Variants in PHC2 observed in about 807,000 individuals in gnomAD.
The protein encoded by PHC2 is polyhomeotic homolog 2, also known as polyhomeotic-like protein 2.
Under a neutral mutation model 87.4 loss-of-function variants are expected in PHC2, and 29 were observed. The observed-to-expected ratio is 0.33, with a 90% CI of 0.25 to 0.45. PHC2 has a LOEUF of 0.45. PHC2 is among the 20% of genes least tolerant of loss of function. PHC2 has a pLI of 1.00. For missense variants in PHC2, 857 were observed against 1,136.7 expected (o/e 0.75, Z 3.54); for synonymous variants, 438 against 461.7 (o/e 0.95, Z 0.66).
rs1352625277 is a variant in PHC2, at chr1:33,369,586, G to A, written c.576+835C>T. 6.6e-6 allele frequency among the ~76,000 whole-genome samples: 1 copy of A among 152,194 alleles called. No homozygotes were observed. Among genetic ancestry groups the A allele is most frequent in the African/African-American group, 2.4e-5 (1 of 41,442 alleles). On this transcript the variant is annotated intron_variant, in intron 5 of 14. Coordinates refer to ENST00000683057, the MANE Select transcript of PHC2 (RefSeq NM_001385109.1). This position sits in a 1 kb window ranked among gnomAD's most constrained non-coding sequence, Gnocchi z 4.7. ...ATGCGCCTCAAATGATGAACTCAGAGCCAAGAACAAATGTGCGGGAGCAAG... is the reference window on the plus strand; with the variant it reads ...ATGCGCCTCAAATGATGAACTCAGAACCAAGAACAAATGTGCGGGAGCAAG...
intron 1 of PHC2, among the ~76,000 whole-genome samples, chr1:33,398,724 T>G (rs751611716): frequency 6.6e-6 from 1 of 152,212 alleles, no homozygotes; most frequent in Non-Finnish European, 1.5e-5. Context: ...GCAGGCATTC[T>G]TGGTTTCCCA....
At chr1:33,329,505 G>A (rs1408757072) in intron 13 of PHC2, among the ~76,000 whole-genome samples, 2 of 151,930 alleles carry the variant, frequency 1.3e-5, no homozygotes, top group Non-Finnish European at 2.9e-5. Flanking sequence ...AAAAAATAAG[G>A]CAAAATTATA....
intron 1 of PHC2, among the ~76,000 whole-genome samples, chr1:33,408,894 T>C (rs1429606461): frequency 1.3e-5 from 2 of 152,190 alleles, no homozygotes; most frequent in African/African-American, 4.8e-5. Flanking sequence ...AGAACCAGAC[T>C]CTCAGGAATT....
Position 33,349,004 on chromosome 1 carries a change from A to T in PHC2, c.1558+5397T>A, listed in dbSNP as rs1393905066. 1 of 909,644 alleles carries T rather than the reference A, an allele frequency of 1.1e-6. No homozygotes were observed. The highest frequency in any genetic ancestry group is 1.8e-5 in the African/African-American group (1 of 55,694). The allele number at this position is 909,644 out of a possible 1,614,324, so 56.3% of individuals were successfully genotyped here. ...CTGTGGACTTCAGTTTAAATACAGA[A>T]TCTCACAAATCCCGATTTTAATGTA... On this transcript the variant is annotated intron_variant, in intron 9 of 14. Transcript: ENST00000683057. The surrounding 1 kb of genome is among the most constrained non-coding windows in gnomAD (Gnocchi z 4.2).
intron 1 of PHC2, among the ~76,000 whole-genome samples, chr1:33,393,425 TGA>T (rs1557843752): frequency 2.0e-5 from 3 of 151,322 alleles, no homozygotes; most frequent in Non-Finnish European, 4.4e-5. Context: ...AACAAAACAA[TGA>T]GAGAAGCCAC....
At position 33,416,988 on chromosome 1, in the gene PHC2, C is replaced by T. The variant is rs111936741; in HGVS notation, c.-55+13988G>A. The stretch of plus-strand genomic sequence containing the variant: ...AAATACATGACAATAACTCAAAGGA[C>T]CAGAAGGGAAAAATGGAAGTATATA... On this transcript the variant is annotated intron_variant, in intron 1 of 14. Transcript: ENST00000683057. Among the ~76,000 whole-genome samples the T allele has an allele frequency of 3.3e-5, 5 of 151,470 alleles. 1 individual carries two copies. Among genetic ancestry groups the T allele is most frequent in the African/African-American group, 9.7e-5 (4 of 41,254 alleles).
Position 33,354,540 on chromosome 1 carries a change from C to G in PHC2, c.1419G>C (p.Trp473Cys). 6.2e-7 allele frequency: 1 copy of G among 1,613,936 alleles called. No individual in the cohort carries two copies. The highest frequency in any genetic ancestry group is 8.5e-7 in the Non-Finnish European group (1 of 1,179,898). The change falls in exon 9 of 15, where the codon TGG becomes TGC. Residue 473 changes from tryptophan to cysteine, a missense_variant. This residue lies in a region of PHC2 where 832 missense variants were observed against 1,081.8 expected (regional missense o/e 0.77). Transcript: ENST00000683057. ...TTTTCTCCCCTGGTGCCACTTCTTT[C>G]CAGTCATCAGGGACACACTGCTGGG... ...PVPQQCVPDD[W>C]KEVAPGEKSV...
intron 1 of PHC2, among the ~76,000 whole-genome samples, chr1:33,419,799 C>CG (rs1650357938): frequency 6.6e-6 from 1 of 152,012 alleles, no homozygotes; most frequent in African/African-American, 2.4e-5. Context: ...TTAGTAGAGA[C>CG]GGGGTTTCAC....
intron 7 of PHC2, among the ~76,000 whole-genome samples, chr1:33,362,084 C>G (rs1295739586): frequency 6.6e-6 from 1 of 152,206 alleles, no homozygotes; most frequent in East Asian, 1.9e-4. Flanking sequence ...GCTCTGACAC[C>G]AACAGGTGGT....
chr1:33,386,360 A>G (rs1398559754), intron 1 of PHC2, among the ~76,000 whole-genome samples: 3 of 151,690 alleles, frequency 2.0e-5, no homozygotes, highest in African/African-American at 7.3e-5. Flanking sequence ...TACTGAAAAT[A>G]CAAAAATTAG....
At chr1:33,396,464 G>A (rs937290100) in intron 1 of PHC2, among the ~76,000 whole-genome samples, 1 of 152,198 alleles carries the variant, frequency 6.6e-6, no homozygotes, top group Non-Finnish European at 1.5e-5. Context: ...TCCACTGCCA[G>A]TGCATCTCAG....
At chr1:33,340,794 T>C (rs1646729194) in intron 9 of PHC2, among the ~76,000 whole-genome samples, 1 of 152,064 alleles carries the variant, frequency 6.6e-6, no homozygotes, top group Admixed American at 6.6e-5. Flanking sequence ...AGTCCATCAA[T>C]TAGAGATTCA....
intron 7 of PHC2, among the ~76,000 whole-genome samples, chr1:33,357,171 A>G (rs1647106200): frequency 6.6e-6 from 1 of 152,220 alleles, no homozygotes; most frequent in Non-Finnish European, 1.5e-5. Context: ...ATGGCAGGCC[A>G]CAGCTGGAGG....
At chr1:33,429,092 TG>T (rs1191823854) in intron 1 of PHC2, among the ~76,000 whole-genome samples, 2 of 152,208 alleles carry the variant, frequency 1.3e-5, no homozygotes, top group Admixed American at 1.3e-4. Flanking sequence ...GATTTAGATT[TG>T]CCCCTCTCAG....
At chr1:33,374,056 T>C (rs1648020295) in intron 2 of PHC2, among the ~76,000 whole-genome samples, 1 of 152,194 alleles carries the variant, frequency 6.6e-6, no homozygotes, top group Non-Finnish European at 1.5e-5. Context: ...TACCCTGTTT[T>C]ATTTTAACTC....
intron 9 of PHC2, among the ~76,000 whole-genome samples, chr1:33,354,182 C>T (rs544669530): frequency 6.6e-6 from 1 of 152,340 alleles, no homozygotes; most frequent in African/African-American, 2.4e-5. Flanking sequence ...CTAGAACTTT[C>T]ACCTCTTCTG....
rs2148321440 is a variant in PHC2, at chr1:33,368,774, T to C, written c.577-152A>G. Reference sequence around the variant, plus strand: ...CAACTGTTTAGCCCAGGAGCGGCTATGAGGAAGGGCAGGACAGTAGAAGCA... The same window carrying C: ...CAACTGTTTAGCCCAGGAGCGGCTACGAGGAAGGGCAGGACAGTAGAAGCA... On this transcript the variant is annotated intron_variant, in intron 5 of 14. Coordinates refer to ENST00000683057, the MANE Select transcript of PHC2 (RefSeq NM_001385109.1). This position sits in a 1 kb window ranked among gnomAD's most constrained non-coding sequence, Gnocchi z 6.6. 6 of 669,434 alleles carry C rather than the reference T, an allele frequency of 9.0e-6. No homozygotes were observed. The South Asian group carries it at 1.0e-4, about 11-fold the overall frequency. 41.5% of individuals were successfully genotyped at this position (669,434 alleles called of 1,614,324 possible).
intron 9 of PHC2, among the ~76,000 whole-genome samples, chr1:33,340,278 C>T (rs1238875799): frequency 6.6e-6 from 1 of 152,174 alleles, no homozygotes; most frequent in African/African-American, 2.4e-5. Context: ...CAACAAATGG[C>T]AAACAAGGTC....
intron 2 of PHC2, 29 bp from the exon 3 acceptor site, chr1:33,372,476 G>A: frequency 6.6e-7 from 1 of 1,507,094 alleles, no homozygotes; most frequent in South Asian, 1.3e-5. Context: ...GGAAGAGCCA[G>A]GCTGGTAGCT....
Sources: gnomAD v4.1 joint callset for allele counts (sites outside exome capture counted in the v4.1 genomes callset) on GRCh38, gnomAD v4.1.1 for gene constraint, gnomAD v4.1.1 regional missense constraint, Gnocchi (gnomAD v3.1) non-coding constraint, MANE v1.5 for transcripts, NCBI Gene and HGNC (gene_info 2026-07-23, HGNC 2026-07-21) for gene names.